The following RGSL1 variants were observed in gnomAD, a reference collection of about 807,000 sequenced individuals.
RGSL1 encodes regulator of G protein signaling protein-like.
A neutral mutation model predicts 124.7 loss-of-function variants in RGSL1; 97 were observed. The observed-to-expected ratio is 0.78, with a 90% CI of 0.66 to 0.92. The LOEUF (loss-of-function observed/expected upper bound fraction) is 0.92. RGSL1 is among the 40% of genes least tolerant of loss of function. The pLI is 0.00. For missense variants in RGSL1, 1,233 were observed against 1,288.4 expected, an observed-to-expected ratio of 0.96 and a Z score of 0.66; for synonymous variants, 424 against 438.1, an observed-to-expected ratio of 0.97 and a Z score of 0.40.
intron 9 of RGSL1, among the ~76,000 whole-genome samples, chr1:182,502,181 G>A (rs1360286561): frequency 6.6e-6 from 1 of 151,992 alleles, no homozygotes; most frequent in Non-Finnish European, 1.5e-5. Context: ...AGAAAAAGCT[G>A]TTGTTTTTGT....
intron 15 of RGSL1, among the ~76,000 whole-genome samples, chr1:182,541,438 T>C (rs1196551466): frequency 2.0e-5 from 3 of 152,226 alleles, no homozygotes; most frequent in Non-Finnish European, 2.9e-5. Flanking sequence ...TATTTTATTG[T>C]GTATCTGTAT....
At chr1:182,509,312 G>A (rs1285805163) in intron 9 of RGSL1, among the ~76,000 whole-genome samples, 1 of 38,808 alleles carries the variant, frequency 2.6e-5, no homozygotes, top group African/African-American at 7.1e-5. Flanking sequence ...GGCCGGGCAG[G>A]GGGCTGACCC....
chr1:182,488,823 G>T, intron 7 of RGSL1, 157 bp from the exon 8 acceptor site: 1 of 583,384 alleles, frequency 1.7e-6, no homozygotes, highest in South Asian at 2.5e-5. Flanking sequence ...AAAGGGTGGG[G>T]GTTGGCATGT....
intron 4 of RGSL1, among the ~76,000 whole-genome samples, chr1:182,463,210 C>A (rs1184250276): frequency 6.7e-6 from 1 of 149,372 alleles, no homozygotes; most frequent in Non-Finnish European, 1.5e-5. Flanking sequence ...AGGAGAATGG[C>A]ATGAACCTGG....
chr1:182,542,945 T>C (rs1287059825), intron 15 of RGSL1, among the ~76,000 whole-genome samples: 1 of 152,134 alleles, frequency 6.6e-6, no homozygotes, highest in Non-Finnish European at 1.5e-5. Flanking sequence ...TCTAATAGGC[T>C]GTTGGTGAAG....
intron 17 of RGSL1, chr1:182,550,677 G>A (rs1448199504): frequency 3.7e-5 from 6 of 163,146 alleles, no homozygotes; most frequent in Non-Finnish European, 7.8e-5. Flanking sequence ...AAGGCTGTCA[G>A]TAAGTGGCAG....
At chr1:182,484,360 A>C (rs114591940) in intron 6 of RGSL1, among the ~76,000 whole-genome samples, 2,204 of 152,112 alleles carry the variant, frequency 0.014, 49 homozygotes, top group African/African-American at 0.047. Flanking sequence ...GTAAGATGCC[A>C]CTCAGCTTAG....
At chr1:182,531,806 CT>C (rs1252832459) in intron 13 of RGSL1, among the ~76,000 whole-genome samples, 2 of 152,104 alleles carry the variant, frequency 1.3e-5, no homozygotes, top group Non-Finnish European at 2.9e-5. Context: ...TACTTAATGC[CT>C]ACTGTTTGCC....
intron 5 of RGSL1, among the ~76,000 whole-genome samples, 188 bp from the exon 6 acceptor site, chr1:182,473,387 T>C (rs1654006033): frequency 6.6e-6 from 1 of 152,208 alleles, no homozygotes; most frequent in Non-Finnish European, 1.5e-5. Context: ...AAGGGATCCC[T>C]GTGTGCTGAG....
intron 18 of RGSL1, among the ~76,000 whole-genome samples, chr1:182,551,998 C>A (rs1660592424): frequency 6.6e-6 from 1 of 152,190 alleles, no homozygotes; most frequent in African/African-American, 2.4e-5. Context: ...GTGGGCTCTG[C>A]CATTTGGTTT....
At chr1:182,508,636 A>C (rs1358163213) in intron 9 of RGSL1, among the ~76,000 whole-genome samples, 1 of 142,328 alleles carries the variant, frequency 7.0e-6, no homozygotes, top group Non-Finnish European at 1.5e-5. Context: ...ATGATTAGTG[A>C]TGTTGAGCAT....
intron 4 of RGSL1, among the ~76,000 whole-genome samples, chr1:182,468,158 C>T (rs567594946): frequency 1.2e-3 from 189 of 152,286 alleles, no homozygotes; most frequent in Non-Finnish European, 1.5e-3. Context: ...GAACACTTTA[C>T]GCTGTTGGTG....
intron 20 of RGSL1, chr1:182,555,013 T>C (rs1331789677): frequency 1.3e-5 from 4 of 297,840 alleles, no homozygotes; most frequent in Non-Finnish European, 2.6e-5. Flanking sequence ...ATTTAAGGAG[T>C]ACAAGTGCAG....
Position 182,556,107 on chromosome 1 carries a change from C to A in RGSL1, c.*50C>A, listed in dbSNP as rs768781863. On this transcript the variant is annotated 3_prime_UTR_variant, in exon 21 of 22. Coordinates refer to ENST00000294854, the MANE Select transcript of RGSL1 (RefSeq NM_001137669.2). Reference sequence around the variant, plus strand: ...AAATCATCTCTTAGAGGCCTCCTAACACTGACAGAAACTTTTCTGGTCAAA... The same window carrying A: ...AAATCATCTCTTAGAGGCCTCCTAAAACTGACAGAAACTTTTCTGGTCAAA... 3 of 1,506,450 alleles carry A rather than the reference C, an allele frequency of 2.0e-6. No homozygotes were observed. The highest frequency in any genetic ancestry group is 2.5e-5 in the East Asian group (1 of 40,716). The allele number at this position is 1,506,450 out of a possible 1,614,324, so 93.3% of individuals were successfully genotyped here. A position where few individuals can be genotyped will look rare whatever the true frequency, so the allele number is the denominator to read the frequency against.
chr1:182,549,995 A>C (rs758561012), intron 17 of RGSL1: 3 of 152,248 alleles, frequency 2.0e-5, no homozygotes, highest in African/African-American at 7.2e-5. Flanking sequence ...TGTGCTTAGA[A>C]AAATGAGACA....
rs1367272229 is a variant in RGSL1 at position 182,521,640 on chromosome 1, C to T, written c.1826-364C>T. Among the ~76,000 whole-genome samples, 3 of 152,316 alleles carry T rather than the reference C, an allele frequency of 2.0e-5. No homozygotes were observed. In the East Asian group the frequency reaches 5.8e-4, roughly 29 times the overall value. ...GGAAAGATTTAGGATAGGACAATAG[C>T]AGTGTCAAGGAAGACGGAATGTCAT... On this transcript the variant is annotated intron_variant, in intron 9 of 21. Transcript: ENST00000294854.
intron 9 of RGSL1, among the ~76,000 whole-genome samples, chr1:182,504,094 C>T (rs1656620217): frequency 6.6e-6 from 1 of 151,408 alleles, no homozygotes; most frequent in Non-Finnish European, 1.5e-5. Flanking sequence ...GATTCCCCTG[C>T]CTCAGCCTCC....
chr1:182,455,120 A>G (rs1349218551), intron 2 of RGSL1, among the ~76,000 whole-genome samples: 1 of 152,198 alleles, frequency 6.6e-6, no homozygotes, highest in Non-Finnish European at 1.5e-5. Flanking sequence ...GGTCTGGGTG[A>G]CATGACAGAA....
At chr1:182,462,570 T>C (rs1001552936) in intron 4 of RGSL1, among the ~76,000 whole-genome samples, 2 of 152,356 alleles carry the variant, frequency 1.3e-5, no homozygotes, top group Admixed American at 6.5e-5. Context: ...GTCTAAAAGA[T>C]AGTATTAATG....
Sources: allele counts gnomAD v4.1 joint callset (sites outside exome capture counted in the v4.1 genomes callset), GRCh38; gene constraint gnomAD v4.1.1; transcripts MANE v1.5; gene names NCBI Gene and HGNC (gene_info 2026-07-23, HGNC 2026-07-21).